The following VAX1 variants were observed in gnomAD, a reference collection of about 807,000 sequenced individuals.
The protein encoded by VAX1 is ventral anterior homeobox 1.
In VAX1, 6 loss-of-function variants were observed where a neutral mutation model predicts 17.6. The observed-to-expected ratio is 0.34, with a 90% confidence interval of 0.19 to 0.67. The LOEUF (loss-of-function observed/expected upper bound fraction) is 0.67, where lower values mean the gene tolerates loss of function less well. Among genes scored for constraint, VAX1 ranks in the 30% least tolerant of loss-of-function variants. The probability of loss-of-function intolerance (pLI) is 0.69; values close to 1 mark genes in which losing one functional copy is unlikely to be tolerated. For missense variants in VAX1, 408 were observed against 463.7 expected, an observed-to-expected ratio of 0.88 and a Z score of 1.10; for synonymous variants, 256 against 227.4, an observed-to-expected ratio of 1.13 and a Z score of -1.13.
chr10:117,132,700 C>T (rs1854105809), downstream of VAX1, among the ~76,000 whole-genome samples: 1 of 151,916 alleles, frequency 6.6e-6, no homozygotes. The surrounding 1 kb of genome is among the most constrained non-coding windows in gnomAD (Gnocchi z 4.9). Context: ...AAGAGGGTGT[C>T]GCGGTTCGTG....
Position 117,136,369 on chromosome 10 carries a change from G to C in VAX1, c.429+103C>G. On this transcript the variant is annotated intron_variant, in intron 2 of 2. Transcript: ENST00000369206. This position sits in a 1 kb window ranked among gnomAD's most constrained non-coding sequence, Gnocchi z 5.0. ...CTTCCCATCTCCTCCACCTCCCAAG[G>C]GTAGTTCTGTCCAGAGCAGGTTAGG... is the stretch of plus-strand genomic sequence containing the variant. 1 of 1,412,108 alleles carries C rather than the reference G, an allele frequency of 7.1e-7. No homozygotes were observed. The allele number at this position is 1,412,108 out of a possible 1,614,324, so 87.5% of individuals were successfully genotyped here.
In VAX1 at chr10:117,136,376, C is replaced by G. The variant is rs1326537946; in HGVS notation, c.429+96G>C. The G allele has an allele frequency of 6.8e-7, 1 of 1,475,004 alleles. No individual in the cohort carries two copies. The highest frequency in any genetic ancestry group is 2.3e-5 in the East Asian group (1 of 42,682). 91.4% of individuals were successfully genotyped at this position (1,475,004 alleles called of 1,614,324 possible). A position where few individuals can be genotyped will look rare whatever the true frequency, so the allele number is the denominator to read the frequency against. On this transcript the variant is annotated intron_variant, in intron 2 of 2. Transcript: ENST00000369206. This position sits in a 1 kb window ranked among gnomAD's most constrained non-coding sequence, Gnocchi z 5.0. ...TCTCCTCCACCTCCCAAGGGTAGTT[C>G]TGTCCAGAGCAGGTTAGGAGGTGAA...
chr10:117,132,652 G>T (rs1187817091), downstream of VAX1, among the ~76,000 whole-genome samples: 1 of 152,192 alleles, frequency 6.6e-6, no homozygotes, highest in African/African-American at 2.4e-5. The surrounding 1 kb of genome is among the most constrained non-coding windows in gnomAD (Gnocchi z 4.9). Context: ...GTGGGTGGCC[G>T]TGGCTGTAGG....
In VAX1 at chr10:117,136,671, G is replaced by A; in HGVS notation, c.242-12C>T. Reference sequence around the variant, plus strand: ...GGACCCCTTGGCATCTGGGGAAGGGGAGATGTCAGCCGCCAGAACCCTCCC... The same window carrying A: ...GGACCCCTTGGCATCTGGGGAAGGGAAGATGTCAGCCGCCAGAACCCTCCC... On this transcript the variant is annotated splice_polypyrimidine_tract_variant and intron_variant, in intron 1 of 2. Transcript: ENST00000369206. The surrounding 1 kb of genome is among the most constrained non-coding windows in gnomAD (Gnocchi z 5.0). 3 of 1,599,030 alleles carry A rather than the reference G, an allele frequency of 1.9e-6. No individual in the cohort carries two copies. Among genetic ancestry groups the A allele is most frequent in the Non-Finnish European group, 2.6e-6 (3 of 1,168,770 alleles).
downstream of VAX1, chr10:117,133,258 T>C (rs1448137935): frequency 1.0e-6 from 1 of 984,100 alleles, no homozygotes; most frequent in Non-Finnish European, 1.2e-6. Flanking sequence ...ATTTCATCAT[T>C]GGAAGTATTT....
rs937135514 is a variant in VAX1 at position 117,133,892 on chromosome 10, G to A, written c.*116C>T. 3 of 1,401,724 alleles carry A rather than the reference G, an allele frequency of 2.1e-6. No individual in the cohort carries two copies. Among genetic ancestry groups the A allele is most frequent in the Non-Finnish European group, 2.8e-6 (3 of 1,084,232 alleles). 86.8% of individuals were successfully genotyped at this position (1,401,724 alleles called of 1,614,324 possible). A position where few individuals can be genotyped will look rare whatever the true frequency, so the allele number is the denominator to read the frequency against. ...GTCTAGTGGGAAAGGAGAGCTGTCA[G>A]AGGCCTGGTGGGAGCCAGGAGCCCA... On this transcript the variant is annotated 3_prime_UTR_variant, in exon 3 of 3. Transcript: ENST00000369206.
chr10:117,135,973 C>T (rs970516485), intron 2 of VAX1, among the ~76,000 whole-genome samples: 1 of 152,334 alleles, frequency 6.6e-6, no homozygotes, highest in Admixed American at 6.5e-5. Flanking sequence ...TCCAGGAGGG[C>T]GTACACCTAA....
Position 117,134,439 on chromosome 10 carries a change from C to G in VAX1, c.574G>C (p.Gly192Arg), listed in dbSNP as rs1190088030. The G allele has an allele frequency of 1.3e-6, 2 of 1,508,680 alleles. No individual in the cohort carries two copies. Among genetic ancestry groups the G allele is most frequent in the Admixed American group, 4.1e-5 (2 of 48,796 alleles). 93.5% of individuals were successfully genotyped at this position (1,508,680 alleles called of 1,614,324 possible). Residue 192 changes from glycine to arginine, a missense_variant, in exon 3 of 3, where the codon GGC (glycine) becomes CGC (arginine). Gly to Arg is a moderately radical substitution (Grantham distance 125, BLOSUM62 -2). Around this residue, in one of 4 missense-constraint regions of VAX1, gnomAD observed 196 missense variants for 218.7 expected, o/e 0.90. Coordinates refer to ENST00000369206, the MANE Select transcript of VAX1 (RefSeq NM_001112704.2). The surrounding 1 kb of genome is among the most constrained non-coding windows in gnomAD (Gnocchi z 6.2). ...LEQGRLLSPP[G>R]LPALLPPCAT... ...CAAGGCGGCAGCAGCGCAGGCAGGCCGGGCGGCGACAACAGGCGGCCCTGC... is the reference window on the plus strand; with the variant it reads ...CAAGGCGGCAGCAGCGCAGGCAGGCGGGGCGGCGACAACAGGCGGCCCTGC...
chr10:117,135,938 G>A (rs1011868148), intron 2 of VAX1, among the ~76,000 whole-genome samples: 2 of 152,230 alleles, frequency 1.3e-5, no homozygotes, highest in African/African-American at 4.8e-5. Flanking sequence ...AAGGGTCAGG[G>A]CAGCCTGATC....
chr10:117,132,542 T>G, downstream of VAX1: 1 of 1,551,774 alleles, frequency 6.4e-7, no homozygotes, highest in East Asian at 2.2e-5. The surrounding 1 kb of genome is among the most constrained non-coding windows in gnomAD (Gnocchi z 4.9). Flanking sequence ...TACAATAAAA[T>G]TACTATTTTA....
Position 117,133,298 on chromosome 10 carries a change from C to T in VAX1, c.*710G>A, listed in dbSNP as rs1453382599. The T allele has an allele frequency of 5.1e-6, 5 of 985,316 alleles. No homozygotes were observed. The African/African-American group carries it at 8.7e-5, about 17-fold the overall frequency. The allele number at this position is 985,316 out of a possible 1,614,324, so 61.0% of individuals were successfully genotyped here. A position where few individuals can be genotyped will look rare whatever the true frequency, so the allele number is the denominator to read the frequency against. On this transcript the variant is annotated 3_prime_UTR_variant, in exon 3 of 3. Coordinates refer to ENST00000369206, the MANE Select transcript of VAX1 (RefSeq NM_001112704.2). Reference sequence around the variant, plus strand: ...ACTGGTTCCACTTCATCTGGTTTTACGTAGCAATTGCTTTTATTGCTGATT... The same window carrying T: ...ACTGGTTCCACTTCATCTGGTTTTATGTAGCAATTGCTTTTATTGCTGATT...
intron 2 of VAX1, among the ~76,000 whole-genome samples, chr10:117,135,728 C>G (rs867212521): frequency 6.6e-6 from 1 of 152,218 alleles, no homozygotes; most frequent in African/African-American, 2.4e-5. Context: ...TCTCCTGGGC[C>G]CAGAGCCCAC....
rs1854205588 is a variant in VAX1, at chr10:117,137,640, G to A, written c.241+176C>T. Among the ~76,000 whole-genome samples, 1 of 152,196 alleles carries A rather than the reference G, an allele frequency of 6.6e-6. No homozygotes were observed. Among genetic ancestry groups the A allele is most frequent in the Admixed American group, 6.5e-5 (1 of 15,294 alleles). ...TGGAGGGCCGAGGCCCCTGGAGAGC[G>A]CACCGGAGAGTCCCAGGCGCTTGTC... On this transcript the variant is annotated intron_variant, in intron 1 of 2. Transcript: ENST00000369206. The surrounding 1 kb of genome is among the most constrained non-coding windows in gnomAD (Gnocchi z 7.4).
At position 117,133,720 on chromosome 10, in the gene VAX1, A is replaced by G. The variant is rs6585429; in HGVS notation, c.*288T>C. 904,043 of 1,145,050 alleles carry G rather than the reference A, an allele frequency of 0.79. 364,078 individuals carry two copies. The highest frequency in any genetic ancestry group is 0.82 in the Non-Finnish European group (768,701 of 933,982). 70.9% of individuals were successfully genotyped at this position (1,145,050 alleles called of 1,614,324 possible). ...TCCCTCCTGGGCTGGGCACGGGGTC[A>G]GGGCATCAGGTTGACTAACTCGGGC... On this transcript the variant is annotated 3_prime_UTR_variant, in exon 3 of 3. Transcript: ENST00000369206.
chr10:117,132,165 A>G (rs1462133419), downstream of VAX1: 1 of 1,581,924 alleles, frequency 6.3e-7, no homozygotes, highest in Non-Finnish European at 8.6e-7. The surrounding 1 kb of genome is among the most constrained non-coding windows in gnomAD (Gnocchi z 4.9). Context: ...AATCCGCCCA[A>G]ACCTCATCCC....
downstream of VAX1, among the ~76,000 whole-genome samples, chr10:117,132,833 G>A (rs576781883): frequency 6.6e-5 from 10 of 152,250 alleles, no homozygotes; most frequent in South Asian, 1.0e-3. The surrounding 1 kb of genome is among the most constrained non-coding windows in gnomAD (Gnocchi z 4.9). Flanking sequence ...ACCACCCAGC[G>A]GCGTCCCTGC....
downstream of VAX1, chr10:117,130,387 T>C (rs920914078): frequency 6.6e-6 from 1 of 152,338 alleles, no homozygotes; most frequent in Admixed American, 6.5e-5. Flanking sequence ...CACATCTTTC[T>C]TGAACCTGAC....
rs1390874586 is a variant in VAX1, at chr10:117,133,628, GGCAGCAGCC to G, written c.*371_*379del. The G allele has an allele frequency of 2.6e-5, 26 of 995,542 alleles. No homozygotes were observed. Among genetic ancestry groups the G allele is most frequent in the East Asian group, 2.1e-4 (2 of 9,376 alleles). 61.7% of individuals were successfully genotyped at this position (995,542 alleles called of 1,614,324 possible). ...AATATTCCTAGGAATAGTCGGCAGC[GGCAGCAGCC>G]GCAGCAGCCGCGGATCTAGAGCAAA... On this transcript the variant is annotated 3_prime_UTR_variant, in exon 3 of 3. Coordinates refer to ENST00000369206, the MANE Select transcript of VAX1 (RefSeq NM_001112704.2).
chr10:117,137,797 C>A lies in VAX1; in HGVS notation c.241+19G>T, dbSNP rs377475670. ...AGTCGACCCCAAAGAACGCGCCTGG[C>A]AGCCCTGCCCATCCCTACCTCGGAC... On this transcript the variant is annotated intron_variant, in intron 1 of 2. Transcript: ENST00000369206. This position sits in a 1 kb window ranked among gnomAD's most constrained non-coding sequence, Gnocchi z 7.4. 6.6e-5 allele frequency: 107 copies of A among 1,610,700 alleles called. No homozygotes were observed. The highest frequency in any genetic ancestry group is 3.0e-4 in the Admixed American group (18 of 60,012).
Sources: allele counts gnomAD v4.1 joint callset (sites outside exome capture counted in the v4.1 genomes callset), GRCh38; gene constraint gnomAD v4.1.1; regional missense constraint gnomAD v4.1.1; non-coding constraint Gnocchi (gnomAD v3.1); transcripts MANE v1.5; gene names NCBI Gene and HGNC (gene_info 2026-07-23, HGNC 2026-07-21).